The following HTD2 variants were observed in gnomAD, a reference collection of about 807,000 sequenced individuals.
HTD2 encodes the protein hydroxyacyl-thioester dehydratase type 2.
In HTD2, 1 loss-of-function variant was observed where a neutral mutation model predicts 3.1. That is an observed-to-expected ratio of 0.32 (90% CI 0.11 to 1.52). The LOEUF (loss-of-function observed/expected upper bound fraction) is 1.52. HTD2 is among the 40% of genes most tolerant of loss of function. The pLI is 0.39. For synonymous variants in HTD2, 50 were observed against 28.9 expected, an observed-to-expected ratio of 1.73 and a Z score of -2.34; for missense variants, 150 against 79.6, an observed-to-expected ratio of 1.88 and a Z score of -3.36.
Position 58,317,791 on chromosome 3 carries a change from A to G in HTD2, c.178A>G (p.Thr60Ala). ...TGATGTGGCTACCTTCTCAGAATTA[A>G]CAGGGGATGTCAATCCTTTGCATTT... ...QTDVATFSEL[T>A]GDVNPLHLNE... The change falls in exon 5 of 5, where the codon ACA (threonine) becomes GCA (alanine). Residue 60 changes from threonine (T) to alanine (A), a missense_variant. Thr to Ala is a moderately conservative substitution (Grantham distance 58, BLOSUM62 0). Coordinates refer to ENST00000461393, the MANE Select transcript of HTD2 (RefSeq NM_001348712.2). 1.4e-6 allele frequency: 1 copy of G among 703,084 alleles called. No homozygotes were observed. The highest frequency in any genetic ancestry group is 2.6e-6 in the Non-Finnish European group (1 of 385,002). 43.6% of individuals were successfully genotyped at this position (703,084 alleles called of 1,614,324 possible). A position where few individuals can be genotyped will look rare whatever the true frequency, so the allele number is the denominator to read the frequency against.
chr3:58,317,365 T>A, intron 4 of HTD2, 75 bp from the exon 5 acceptor site: 1 of 947,016 alleles, frequency 1.1e-6, no homozygotes, highest in Non-Finnish European at 1.7e-6. Context: ...CCTGTAAAAC[T>A]GGGCATGTTT....
chr3:58,309,156 TCTC>T (rs906052175), intron 1 of HTD2, among the ~76,000 whole-genome samples: 6 of 152,202 alleles, frequency 3.9e-5, no homozygotes, highest in Non-Finnish European at 7.3e-5. Flanking sequence ...CCCTCATTCT[TCTC>T]TTTGTGTTCT....
rs1015992274 is a variant in HTD2, at chr3:58,310,671, G to A, written c.-331+80G>A. On this transcript the variant is annotated intron_variant, in intron 2 of 4. Transcript: ENST00000461393. ...AAAGAGGCCGGGCGCGGTAGCTCAC[G>A]CCTGTAATCCCAGCACTTTGGAGGC... 36 of 1,226,650 alleles carry A rather than the reference G, an allele frequency of 2.9e-5. No individual in the cohort carries two copies. The African/African-American group carries it at 4.3e-4, about 15-fold the overall frequency. The allele number at this position is 1,226,650 out of a possible 1,614,324, so 76.0% of individuals were successfully genotyped here.
At chr3:58,310,478 A>G (rs760530225) in intron 1 of HTD2, 29 bp from the exon 2 acceptor site, 3 of 1,559,432 alleles carry the variant, frequency 1.9e-6, no homozygotes, top group Admixed American at 1.8e-5. Flanking sequence ...GAAATTTAAT[A>G]TGACTTTTTT....
chr3:58,315,112 C>G (rs1257460243), intron 2 of HTD2, among the ~76,000 whole-genome samples: 1 of 152,084 alleles, frequency 6.6e-6, no homozygotes, highest in Non-Finnish European at 1.5e-5. Context: ...TTCATAGCAG[C>G]TTTATTTTTA....
intron 1 of HTD2, 82 bp downstream of exon 1, chr3:58,306,733 G>A (rs2097475358): frequency 1.3e-5 from 2 of 152,274 alleles, no homozygotes; most frequent in African/African-American, 4.8e-5. Context: ...TTTTTAAAGT[G>A]ATTGATTTAG....
chr3:58,306,352 G>A (rs1306315130), upstream of HTD2: 2 of 152,516 alleles, frequency 1.3e-5, no homozygotes, highest in African/African-American at 4.8e-5. Context: ...GGAGCCCCAA[G>A]CCTTGGCGGG....
At chr3:58,310,140 G>A (rs999248722) in intron 1 of HTD2, 7 of 582,668 alleles carry the variant, frequency 1.2e-5, no homozygotes, top group African/African-American at 1.1e-4. Flanking sequence ...GCCAGAGGTG[G>A]AGGCTGCAGT....
upstream of HTD2, chr3:58,306,389 A>T (rs1396226749): frequency 1.3e-5 from 2 of 152,364 alleles, no homozygotes; most frequent in Non-Finnish European, 2.9e-5. Flanking sequence ...GAGTCTGGTC[A>T]GGCGTCAGGC....
In HTD2 at chr3:58,314,342, C is replaced by T. The variant is rs1391619909; in HGVS notation, c.-330-2173C>T. The stretch of plus-strand genomic sequence containing the variant: ...CTCCAGCCAGGGTGACAGAGAGAGA[C>T]TCTGTCTCAAAAAAATAATAGTAAT... On this transcript the variant is annotated intron_variant, in intron 2 of 4. Coordinates refer to ENST00000461393, the MANE Select transcript of HTD2 (RefSeq NM_001348712.2). 1.3e-5 allele frequency among the ~76,000 whole-genome samples: 2 copies of T among 152,100 alleles called. 1 individual carries two copies. The highest frequency in any genetic ancestry group is 2.9e-5 in the Non-Finnish European group (2 of 68,030).
intron 1 of HTD2, chr3:58,310,141 A>T: frequency 1.7e-6 from 1 of 585,870 alleles, no homozygotes; most frequent in Non-Finnish European, 3.0e-6. Context: ...CCAGAGGTGG[A>T]GGCTGCAGTG....
Position 58,318,196 on chromosome 3 carries a change from C to G in HTD2, c.*76C>G, listed in dbSNP as rs878861678. 1.2e-5 allele frequency: 7 copies of G among 598,824 alleles called. No individual in the cohort carries two copies. In the Admixed American group the frequency reaches 2.2e-4, roughly 19 times the overall value. 37.1% of individuals were successfully genotyped at this position (598,824 alleles called of 1,614,324 possible). On this transcript the variant is annotated 3_prime_UTR_variant, in exon 5 of 5. Transcript: ENST00000461393. ...GCCTATGGGGAATTGCTGCTCTTTA[C>G]CAAAGAATGGTTGATAGGCCCAGAA...
At position 58,316,943 on chromosome 3, in the gene HTD2, A is replaced by T. The variant is rs1309306296; in HGVS notation, c.-225A>T. On this transcript the variant is annotated 5_prime_UTR_variant, in exon 4 of 5. Coordinates refer to ENST00000461393, the MANE Select transcript of HTD2 (RefSeq NM_001348712.2). ...TCTTGTCAAATTGTGGAGCTCTTTG[A>T]CCCTGTTAGGATCCTATAAAGGCAA... 2.5e-6 allele frequency: 4 copies of T among 1,613,732 alleles called. No individual in the cohort carries two copies. Among genetic ancestry groups the T allele is most frequent in the Non-Finnish European group, 3.4e-6 (4 of 1,179,898 alleles).
In HTD2 at chr3:58,317,623, C is replaced by T; in HGVS notation, c.10C>T (p.Leu4=). 1.3e-6 allele frequency: 1 copy of T among 752,466 alleles called. No individual in the cohort carries two copies. Among genetic ancestry groups the T allele is most frequent in the Non-Finnish European group, 2.3e-6 (1 of 427,258 alleles). 46.6% of individuals were successfully genotyped at this position (752,466 alleles called of 1,614,324 possible). Residue 4 remains leucine, a synonymous_variant, in exon 5 of 5, where the codon CTA becomes TTA. Transcript: ENST00000461393. The part of the protein sequence containing the change: MFP[L]ISSHHLWWGG... Reference sequence around the variant, plus strand: ...TTTGAGGGTGCTGAAGATGTTCCCACTAATTTCCAGCCATCACCTTTGGTG... The same window carrying T: ...TTTGAGGGTGCTGAAGATGTTCCCATTAATTTCCAGCCATCACCTTTGGTG...
intron 4 of HTD2, 98 bp from the exon 5 acceptor site, chr3:58,317,341 TC>T: frequency 1.3e-6 from 1 of 772,152 alleles, no homozygotes. Flanking sequence ...TGCTCCTGCA[TC>T]AGCTTTGTTT....
chr3:58,315,136 T>G (rs1238065465), intron 2 of HTD2, among the ~76,000 whole-genome samples: 1 of 152,090 alleles, frequency 6.6e-6, no homozygotes, highest in Non-Finnish European at 1.5e-5. Flanking sequence ...ACAATGAAAC[T>G]GAAAACACCC....
At chr3:58,313,252 C>T (rs1446198132) in intron 2 of HTD2, among the ~76,000 whole-genome samples, 3 of 151,956 alleles carry the variant, frequency 2.0e-5, no homozygotes, top group Admixed American at 6.6e-5. Flanking sequence ...GAGCGAGACT[C>T]GGTCTCAAAA....
upstream of HTD2, chr3:58,306,404 C>T (rs17059150): frequency 1.3e-5 from 2 of 152,262 alleles, no homozygotes; most frequent in African/African-American, 4.8e-5. Flanking sequence ...TCAGGCTAGT[C>T]CGACGAAGAG....
At chr3:58,312,417 G>A (rs756290349) in intron 2 of HTD2, among the ~76,000 whole-genome samples, 6 of 126,612 alleles carry the variant, frequency 4.7e-5, no homozygotes, top group Non-Finnish European at 3.1e-5. Flanking sequence ...CTGCCACCAC[G>A]CCCAGCTAAT....
Sources: gnomAD v4.1 joint callset for allele counts (sites outside exome capture counted in the v4.1 genomes callset) on GRCh38, gnomAD v4.1.1 for gene constraint, MANE v1.5 for transcripts, NCBI Gene and HGNC (gene_info 2026-07-23, HGNC 2026-07-21) for gene names.